The following KAT6A variants were observed in gnomAD, a reference collection of about 807,000 sequenced individuals.
KAT6A encodes the protein lysine acetyltransferase 6A.
In KAT6A, 9 loss-of-function variants were observed where a neutral mutation model predicts 198.4. The ratio of observed to expected loss-of-function variants is 0.05; its 90% confidence interval spans 0.03 to 0.08. The LOEUF is 0.08. KAT6A is among the 10% of genes least tolerant of loss of function. KAT6A has a pLI of 1.00. For synonymous variants in KAT6A, 890 were observed against 883.0 expected (o/e 1.01, Z -0.14); for missense variants, 2,077 against 2,509.9 (o/e 0.83, Z 3.69).
intron 2 of KAT6A, among the ~76,000 whole-genome samples, chr8:42,048,006 C>T (rs765801096): frequency 4.6e-5 from 7 of 151,802 alleles, no homozygotes; most frequent in Admixed American, 6.6e-5. Flanking sequence ...TCATCAACTT[C>T]CAGTAGTAAG....
chr8:42,040,665 G>C (rs1409590969), intron 2 of KAT6A, among the ~76,000 whole-genome samples: 1 of 147,280 alleles, frequency 6.8e-6, no homozygotes, highest in Non-Finnish European at 1.5e-5. Flanking sequence ...AACCCAGGAG[G>C]CGGAGGCTGC....
chr8:41,943,758 G>A lies in KAT6A; in HGVS notation c.2218C>T (p.Arg740Cys). The A allele has an allele frequency of 2.5e-6, 4 of 1,611,290 alleles. No homozygotes were observed. Among genetic ancestry groups the A allele is most frequent in the Non-Finnish European group, 3.4e-6 (4 of 1,177,688 alleles). ...AGATGTGATACTCACTGGTCACTAC[G>A]GAAGTCCAGCATTCGTAGGTGGTGG... ...TLHHLRMLDFRSDQFVIIRRE... is the reference protein window; with the variant it reads ...TLHHLRMLDFCSDQFVIIRRE... Residue 740 changes from arginine to cysteine, a missense_variant, in exon 13 of 17, where the codon CGT becomes TGT. Physicochemically the swap from Arg to Cys is radical, Grantham distance 180. Transcript: ENST00000265713.
chr8:42,046,518 G>A (rs940235913), intron 2 of KAT6A, among the ~76,000 whole-genome samples: 2 of 152,138 alleles, frequency 1.3e-5, no homozygotes, highest in African/African-American at 2.4e-5. Flanking sequence ...GTGACAGAAC[G>A]AGATTCTGTC....
Position 41,931,900 on chromosome 8 carries a change from A to G in KAT6A, c.*305T>C, listed in dbSNP as rs1190453651. The G allele has an allele frequency of 3.8e-6, 1 of 264,632 alleles. No homozygotes were observed. The highest frequency in any genetic ancestry group is 2.2e-5 in the African/African-American group (1 of 46,106). 16.4% of individuals were successfully genotyped at this position (264,632 alleles called of 1,614,324 possible). On this transcript the variant is annotated 3_prime_UTR_variant, in exon 17 of 17. Transcript: ENST00000265713. ...ACAAATTCTGTCCATGTGGTATGTAAAGAAAGTAAGGCTCTTTTTAATTAT... is the reference window on the plus strand; with the variant it reads ...ACAAATTCTGTCCATGTGGTATGTAGAGAAAGTAAGGCTCTTTTTAATTAT...
intron 12 of KAT6A, among the ~76,000 whole-genome samples, chr8:41,944,360 T>C (rs1309502613): frequency 6.6e-6 from 1 of 152,210 alleles, no homozygotes; most frequent in Admixed American, 6.5e-5. Flanking sequence ...TACAAAAGAA[T>C]GCCTTCATTT....
intron 9 of KAT6A, among the ~76,000 whole-genome samples, chr8:41,953,701 T>C (rs993993750): frequency 1.3e-5 from 2 of 152,178 alleles, no homozygotes; most frequent in African/African-American, 2.4e-5. Flanking sequence ...CTTGAACTCC[T>C]GACCTCAGGC....
At position 42,032,539 on chromosome 8, in the gene KAT6A, T is replaced by C. The variant is rs115781986; in HGVS notation, c.600+15839A>G. On this transcript the variant is annotated intron_variant, in intron 2 of 16. Transcript: ENST00000265713. ...TCAGTCTTCTTTCAAAGTTAATAAA[T>C]TATGAAGACAACCCATTTGCAAAGC... Among the ~76,000 whole-genome samples, 401 of 152,318 alleles carry C rather than the reference T, an allele frequency of 2.6e-3. 1 individual carries two copies. Among genetic ancestry groups the C allele is most frequent in the African/African-American group, 8.4e-3 (349 of 41,574 alleles).
rs776010718 is a variant in KAT6A, at chr8:41,978,721, T to G, written c.964A>C (p.Lys322Gln). ...CGCCGTTTTATCTGTGCTGCCTTCT[T>G]TTGTAGAAGTTTTCGTCCTTTTTTC... ...PRKKGRKLLQ[K>Q]KAAQIKRRYT... Residue 322 changes from lysine (K) to glutamine (Q), a missense_variant, in exon 6 of 17, where the codon AAG (lysine) becomes CAG (glutamine). Lys to Gln is a moderately conservative substitution (Grantham distance 53, BLOSUM62 1). Around this residue, in one of 13 missense-constraint regions of KAT6A, gnomAD observed 89 missense variants for 154.4 expected, o/e 0.58. Coordinates refer to ENST00000265713, the MANE Select transcript of KAT6A (RefSeq NM_006766.5). 1.9e-6 allele frequency: 3 copies of G among 1,614,076 alleles called. No individual in the cohort carries two copies.
chr8:42,028,598 C>T (rs1423826205), intron 2 of KAT6A, among the ~76,000 whole-genome samples: 1 of 152,008 alleles, frequency 6.6e-6, no homozygotes, highest in African/African-American at 2.4e-5. Flanking sequence ...TTGTTCCATC[C>T]CTTCACTTTC....
At chr8:42,041,480 T>C (rs1486134079) in intron 2 of KAT6A, among the ~76,000 whole-genome samples, 1 of 152,228 alleles carries the variant, frequency 6.6e-6, no homozygotes, top group Non-Finnish European at 1.5e-5. Flanking sequence ...CTGACGCCTG[T>C]AATCCTAGCA....
intron 2 of KAT6A, among the ~76,000 whole-genome samples, chr8:42,021,393 C>T (rs1826529187): frequency 1.3e-5 from 2 of 152,022 alleles, no homozygotes; most frequent in African/African-American, 4.8e-5. Context: ...GCTAAAAAAC[C>T]ACTGCAACAA....
At chr8:41,947,933 A>G (rs1048734577) in intron 10 of KAT6A, 21 bp from the exon 11 acceptor site, 5 of 1,568,890 alleles carry the variant, frequency 3.2e-6, no homozygotes, top group Admixed American at 2.0e-5. Flanking sequence ...AAACAGAACA[A>G]AACAGTCAGT....
At chr8:41,960,648 CCT>C (rs1449398166) in intron 8 of KAT6A, among the ~76,000 whole-genome samples, 1 of 151,924 alleles carries the variant, frequency 6.6e-6, no homozygotes, top group Non-Finnish European at 1.5e-5. Context: ...TTTTCCTAAG[CCT>C]TTTTGCTCTA....
intron 12 of KAT6A, among the ~76,000 whole-genome samples, chr8:41,945,091 T>C (rs1431407974): frequency 6.6e-6 from 1 of 152,174 alleles, no homozygotes; most frequent in Non-Finnish European, 1.5e-5. Context: ...GATCCCACAA[T>C]GATCTCTTTA....
chr8:42,050,996 G>A (rs1802594926), intron 1 of KAT6A, among the ~76,000 whole-genome samples: 1 of 152,156 alleles, frequency 6.6e-6, no homozygotes, highest in Non-Finnish European at 1.5e-5. Flanking sequence ...TCTTTTCAAA[G>A]AGCGAGAAAC....
At chr8:42,006,048 CAA>C (rs1368911454) in intron 2 of KAT6A, among the ~76,000 whole-genome samples, 1 of 152,118 alleles carries the variant, frequency 6.6e-6, no homozygotes, top group Admixed American at 6.5e-5. Context: ...CAGAAATAAA[CAA>C]AGTTTCTGTG....
intron 8 of KAT6A, chr8:41,956,945 TAAC>T (rs1822948825): frequency 2.3e-6 from 1 of 442,212 alleles, no homozygotes; most frequent in Non-Finnish European, 4.6e-6. Context: ...CTCAAAGTAA[TAAC>T]AACAGTATAG....
At chr8:41,936,422 G>C (rs1046858172) in intron 16 of KAT6A, among the ~76,000 whole-genome samples, 3 of 152,166 alleles carry the variant, frequency 2.0e-5, no homozygotes, top group Non-Finnish European at 4.4e-5. Flanking sequence ...TATGTACCAA[G>C]ACTGGACAAG....
At chr8:41,998,310 G>C (rs781166783) in intron 2 of KAT6A, among the ~76,000 whole-genome samples, 9 of 152,116 alleles carry the variant, frequency 5.9e-5, no homozygotes, top group Non-Finnish European at 1.0e-4. Flanking sequence ...TATCATAAGA[G>C]TAACAAACTG....
Sources: allele counts gnomAD v4.1 joint callset (sites outside exome capture counted in the v4.1 genomes callset), GRCh38; gene constraint gnomAD v4.1.1; regional missense constraint gnomAD v4.1.1; transcripts MANE v1.5; gene names NCBI Gene and HGNC (gene_info 2026-07-23, HGNC 2026-07-21).